RANBP2: variants seen among roughly 807,000 people sequenced by gnomAD.
RANBP2 encodes RAN binding protein 2, also known as E3 SUMO-protein ligase RanBP2.
A neutral mutation model predicts 303.6 loss-of-function variants in RANBP2; 57 were observed. The ratio of observed to expected loss-of-function variants is 0.19; its 90% confidence interval spans 0.15 to 0.23. RANBP2 has a LOEUF of 0.23. Among genes scored for constraint, RANBP2 ranks in the 10% least tolerant of loss-of-function variants. The pLI, the probability that RANBP2 is intolerant of heterozygous loss-of-function variation, is 1.00. For synonymous variants in RANBP2, 1,167 were observed against 1,301.5 expected, an observed-to-expected ratio of 0.90 and a Z score of 2.23; for missense variants, 3,138 against 3,780.8, an observed-to-expected ratio of 0.83 and a Z score of 4.46.
chr2:109,282,758 G>A, the RANBP2 span, among the ~76,000 whole-genome samples: 1 of 152,210 alleles, frequency 6.6e-6, no homozygotes, highest in Admixed American at 6.5e-5. Context: ...AACGGCCAAA[G>A]GAGAAAGCTG....
the RANBP2 span, among the ~76,000 whole-genome samples, chr2:109,548,775 C>CAAAAAAAAAAA: frequency 3.1e-5 from 2 of 63,594 alleles, no homozygotes; most frequent in Non-Finnish European, 6.0e-5. Flanking sequence ...GGCTCCATCT[C>CAAAAAAAAAAA]AAAAAAAAAA....
At chr2:109,546,015 G>A in the RANBP2 span, 19 of 1,535,844 alleles carry the variant, frequency 1.2e-5, no homozygotes, top group Non-Finnish European at 1.7e-6. Flanking sequence ...ACAAGTGTGG[G>A]CAGGGCTGCC....
the RANBP2 span, among the ~76,000 whole-genome samples, chr2:109,657,699 G>C: frequency 0.031 from 4,560 of 148,886 alleles, 84 homozygotes; most frequent in South Asian, 0.07. Context: ...AGCTCCACAG[G>C]CATGAATTAG....
At chr2:108,794,608 CCTT>C in the RANBP2 span, 1 of 1,613,952 alleles carries the variant, frequency 6.2e-7, no homozygotes, top group Non-Finnish European at 8.5e-7. Context: ...AGGTGACTCT[CCTT>C]TGAAACCTGT....
the RANBP2 span, among the ~76,000 whole-genome samples, chr2:109,266,113 G>C: frequency 2.6e-5 from 4 of 151,288 alleles, no homozygotes; most frequent in African/African-American, 9.7e-5. Context: ...TGTGTTGTGT[G>C]TATGTGTATT....
chr2:108,856,420 TAGAA>T, the RANBP2 span, among the ~76,000 whole-genome samples: 1 of 152,238 alleles, frequency 6.6e-6, no homozygotes, highest in East Asian at 1.9e-4. Flanking sequence ...AACATAATCT[TAGAA>T]AGCTATTATA....
At chr2:109,320,612 T>C in the RANBP2 span, among the ~76,000 whole-genome samples, 1 of 152,218 alleles carries the variant, frequency 6.6e-6, no homozygotes, top group African/African-American at 2.4e-5. Context: ...GCTTACTAGG[T>C]CACCAAAATC....
chr2:109,045,638 C>T, the RANBP2 span, among the ~76,000 whole-genome samples: 2 of 152,286 alleles, frequency 1.3e-5, no homozygotes, highest in East Asian at 1.9e-4. Flanking sequence ...GCCAGGTGCC[C>T]TTCCCGAACA....
chr2:109,068,725 G>A, the RANBP2 span, among the ~76,000 whole-genome samples: 6 of 152,196 alleles, frequency 3.9e-5, no homozygotes, highest in African/African-American at 1.4e-4. Context: ...GTAGCTCTGG[G>A]AAACTCACTT....
the RANBP2 span, among the ~76,000 whole-genome samples, chr2:109,156,290 C>T: frequency 6.6e-6 from 1 of 152,246 alleles, no homozygotes; most frequent in Non-Finnish European, 1.5e-5. Context: ...GCTATCTCAT[C>T]TTCAGTGTTT....
At chr2:109,613,165 T>C in the RANBP2 span, 1 of 1,288,754 alleles carries the variant, frequency 7.8e-7, no homozygotes, top group South Asian at 1.2e-5. Flanking sequence ...TTAACGAAAA[T>C]AGTTGTAACC....
At chr2:109,374,029 A>G in the RANBP2 span, among the ~76,000 whole-genome samples, 12 of 152,150 alleles carry the variant, frequency 7.9e-5, no homozygotes, top group African/African-American at 2.9e-4. Context: ...TTCCTGCAGC[A>G]TGACTGCCTG....
chr2:108,735,589 C>A lies in RANBP2; in HGVS notation c.463C>A (p.Gln155Lys). 1 of 1,597,574 alleles carries A rather than the reference C, an allele frequency of 6.3e-7. No homozygotes were observed. Among genetic ancestry groups the A allele is most frequent in the South Asian group, 1.1e-5 (1 of 90,994 alleles). ...DGWNKLFDLI[Q>K]SELYVRPDDV... The stretch of plus-strand genomic sequence containing the variant: ...ATGGAATAAACTTTTTGACTTGATT[C>A]AGTCAGAACTTTATGTAAGACCTGA... The change falls in exon 5 of 29, where the codon CAG becomes AAG. Residue 155 changes from glutamine (Q) to lysine (K), a missense_variant. Physicochemically the swap from Gln to Lys is moderately conservative, Grantham distance 53 (BLOSUM62 1). Coordinates refer to ENST00000283195, the MANE Select transcript of RANBP2 (RefSeq NM_006267.5).
chr2:109,150,804 G>A, the RANBP2 span, among the ~76,000 whole-genome samples: 1 of 152,030 alleles, frequency 6.6e-6, no homozygotes, highest in African/African-American at 2.4e-5. Context: ...TTATCAGGCT[G>A]TTCAGACTTG....
the RANBP2 span, among the ~76,000 whole-genome samples, chr2:109,597,724 C>T: frequency 1.3e-5 from 2 of 152,184 alleles, no homozygotes; most frequent in Non-Finnish European, 2.9e-5. Flanking sequence ...CTACCATATA[C>T]TTTTTAAAAA....
At chr2:109,726,463 T>A in the RANBP2 span, among the ~76,000 whole-genome samples, 1 of 151,864 alleles carries the variant, frequency 6.6e-6, no homozygotes, top group African/African-American at 2.4e-5. Flanking sequence ...AAAACAAAAC[T>A]GGAGGTGATG....
the RANBP2 span, among the ~76,000 whole-genome samples, chr2:108,817,586 C>T: frequency 6.6e-6 from 1 of 152,072 alleles, no homozygotes; most frequent in Non-Finnish European, 1.5e-5. Context: ...CCACCGTGCC[C>T]AGCCATCAGA....
the RANBP2 span, among the ~76,000 whole-genome samples, chr2:109,694,801 ATGTGTGTGTGTGTGTGTGTGTGTGTG>A: frequency 2.1e-5 from 3 of 146,222 alleles, no homozygotes; most frequent in Admixed American, 6.8e-5. Context: ...ATCCATAGGG[ATGTGTGTGTGTGTGTGTGTGTGTGTG>A]TGTGTGTGTG....
the RANBP2 span, among the ~76,000 whole-genome samples, chr2:109,100,850 T>C: frequency 9.2e-5 from 14 of 152,190 alleles, no homozygotes; most frequent in African/African-American, 3.4e-4. Flanking sequence ...GCTGCTGACA[T>C]CCAGCTCACA....
Sources: allele counts gnomAD v4.1 joint callset (sites outside exome capture counted in the v4.1 genomes callset), GRCh38; gene constraint gnomAD v4.1.1; transcripts MANE v1.5; gene names NCBI Gene and HGNC (gene_info 2026-07-23, HGNC 2026-07-21).